Variants in KDM2A observed in about 807,000 individuals in gnomAD.
The protein encoded by KDM2A is lysine demethylase 2A, also known as lysine-specific demethylase 2A.
KDM2A carries 3 observed loss-of-function variants against 137.3 expected under a neutral mutation model. That is an observed-to-expected ratio of 0.02 (90% CI 0.01 to 0.06). The LOEUF (loss-of-function observed/expected upper bound fraction) is 0.06. KDM2A is among the 10% of genes least tolerant of loss of function. KDM2A has a pLI of 1.00. For missense variants in KDM2A, 738 were observed against 1,510.6 expected, an observed-to-expected ratio of 0.49 and a Z score of 8.48; for synonymous variants, 512 against 541.5, an observed-to-expected ratio of 0.95 and a Z score of 0.76.
At chr11:67,194,873 A>T (rs1252585518) in intron 5 of KDM2A, among the ~76,000 whole-genome samples, 2 of 152,314 alleles carry the variant, frequency 1.3e-5, no homozygotes, top group East Asian at 3.9e-4. Flanking sequence ...AGGAGCAGAA[A>T]TACTTGGATT....
chr11:67,197,857 A>G (rs562337188), intron 5 of KDM2A, among the ~76,000 whole-genome samples: 99 of 152,212 alleles, frequency 6.5e-4, no homozygotes, highest in Non-Finnish European at 1.2e-3. Context: ...TCAGAAATCT[A>G]CATATAAATT....
chr11:67,245,129 CTA>C lies in KDM2A; in HGVS notation c.1564-59_1564-58del, dbSNP rs1315085649. On this transcript the variant is annotated intron_variant, in intron 13 of 20. Coordinates refer to ENST00000529006, the MANE Select transcript of KDM2A (RefSeq NM_012308.3). This position sits in a 1 kb window ranked among gnomAD's most constrained non-coding sequence, Gnocchi z 4.1. ...GCTAGGTATGCTACCATGTAATCTTCTACCCTATCCAGTCTTAAAGCAACCTG... is the reference window on the plus strand; with the variant it reads ...GCTAGGTATGCTACCATGTAATCTTCCCCTATCCAGTCTTAAAGCAACCTG... The C allele has an allele frequency of 1.3e-6, 2 of 1,573,676 alleles. No homozygotes were observed. The highest frequency in any genetic ancestry group is 2.7e-5 in the African/African-American group (2 of 74,298).
At chr11:67,142,743 T>C (rs1856142516) in intron 2 of KDM2A, among the ~76,000 whole-genome samples, 1 of 151,850 alleles carries the variant, frequency 6.6e-6, no homozygotes, top group African/African-American at 2.4e-5. Context: ...AGGAGCTCAA[T>C]TATGTATTTG....
intron 2 of KDM2A, among the ~76,000 whole-genome samples, chr11:67,151,441 T>G (rs1856386142): frequency 6.6e-6 from 1 of 152,074 alleles, no homozygotes; most frequent in Admixed American, 6.5e-5. Context: ...AGTGCAATGG[T>G]GCCATCTCTG....
At chr11:67,134,630 G>C (rs1032670105) in intron 2 of KDM2A, among the ~76,000 whole-genome samples, 5 of 151,902 alleles carry the variant, frequency 3.3e-5, no homozygotes, top group African/African-American at 4.8e-5. Context: ...TCAGCCTCCT[G>C]AGTAGCTGGG....
At chr11:67,206,018 T>G (rs1182104273) in intron 5 of KDM2A, among the ~76,000 whole-genome samples, 1 of 152,202 alleles carries the variant, frequency 6.6e-6, no homozygotes, top group Non-Finnish European at 1.5e-5. Flanking sequence ...TATTAAACAT[T>G]TTACTTTATC....
chr11:67,221,145 A>G (rs1858333246), intron 10 of KDM2A, among the ~76,000 whole-genome samples: 1 of 152,162 alleles, frequency 6.6e-6, no homozygotes, highest in South Asian at 2.1e-4. Context: ...CTTATTTTTT[A>G]GCAGAATTCT....
chr11:67,187,952 T>G (rs572045132), intron 5 of KDM2A, among the ~76,000 whole-genome samples: 1 of 152,072 alleles, frequency 6.6e-6, no homozygotes, highest in Admixed American at 6.5e-5. Flanking sequence ...CCCAGCACTT[T>G]GGGAGGCTGA....
chr11:67,166,383 G>C (rs1856745654), intron 2 of KDM2A, among the ~76,000 whole-genome samples: 1 of 151,412 alleles, frequency 6.6e-6, no homozygotes, highest in African/African-American at 2.4e-5. Context: ...ACAGGATTTT[G>C]TCAGGTTGGC....
chr11:67,252,787 A>G lies in KDM2A; in HGVS notation c.2862A>G (p.Pro954=). The G allele has an allele frequency of 2.5e-6, 4 of 1,614,038 alleles. No homozygotes were observed. Among genetic ancestry groups the G allele is most frequent in the Non-Finnish European group, 3.4e-6 (4 of 1,179,884 alleles). ...QALSGIIKRQ[P]VSLDLSWTNI... ...TCAGTGGCATCATCAAGAGGCAGCC[A>G]GTCAGCCTTGACCTCAGTTGGACCA... Residue 954 remains proline (P), a synonymous_variant, in exon 18 of 21, where the codon CCA becomes CCG. Transcript: ENST00000529006.
At chr11:67,243,990 A>G (rs1178342725) in intron 13 of KDM2A, among the ~76,000 whole-genome samples, 1 of 152,228 alleles carries the variant, frequency 6.6e-6, no homozygotes, top group Non-Finnish European at 1.5e-5. Flanking sequence ...AATTTGGCAA[A>G]TAAATGAGGC....
chr11:67,123,460 A>C (rs1206166567), intron 2 of KDM2A, among the ~76,000 whole-genome samples: 1 of 152,022 alleles, frequency 6.6e-6, no homozygotes, highest in East Asian at 1.9e-4. Context: ...TATCTGTAGT[A>C]GAATATTGTA....
At position 67,219,322 on chromosome 11, in the gene KDM2A, A is replaced by G; in HGVS notation, c.876A>G (p.Thr292=). ...WIHAVYTPTD[T]LVFGGNFLHS... is the part of the protein sequence containing the mutation. ...ATGCTGTGTATACTCCTACAGACAC[A>G]TTAGTGTTTGGGGGCAATTTTTTGC... The change falls in exon 10 of 21, where the codon ACA becomes ACG. Residue 292 remains threonine, a synonymous_variant. Coordinates refer to ENST00000529006, the MANE Select transcript of KDM2A (RefSeq NM_012308.3). 1 of 1,611,000 alleles carries G rather than the reference A, an allele frequency of 6.2e-7. No individual in the cohort carries two copies. The highest frequency in any genetic ancestry group is 8.5e-7 in the Non-Finnish European group (1 of 1,178,426).
chr11:67,231,996 C>G (rs755177983), intron 12 of KDM2A, 36 bp downstream of exon 12: 4 of 1,540,948 alleles, frequency 2.6e-6, no homozygotes, highest in Admixed American at 4.0e-5. Context: ...AGCTACTGAT[C>G]CAGCTATGGC....
chr11:67,154,645 G>T (rs189141146), intron 2 of KDM2A, among the ~76,000 whole-genome samples: 256 of 151,968 alleles, frequency 1.7e-3, no homozygotes, highest in Middle Eastern at 0.014. Flanking sequence ...TGCCATGTTG[G>T]CCAGGCTAGT....
chr11:67,227,932 T>C (rs1811931840), intron 10 of KDM2A, 105 bp from the exon 11 acceptor site: 8 of 1,207,850 alleles, frequency 6.6e-6, no homozygotes, highest in South Asian at 2.8e-5. Context: ...GGTTTGCAGG[T>C]TGACTGGTGA....
At chr11:67,226,057 C>T (rs2136415927) in intron 10 of KDM2A, among the ~76,000 whole-genome samples, 1 of 151,208 alleles carries the variant, frequency 6.6e-6, no homozygotes, top group Non-Finnish European at 1.5e-5. Context: ...AAGAACAAAA[C>T]TGTGTCAAAA....
intron 2 of KDM2A, among the ~76,000 whole-genome samples, chr11:67,123,616 A>G (rs1855649386): frequency 6.6e-6 from 1 of 151,896 alleles, no homozygotes; most frequent in South Asian, 2.1e-4. Flanking sequence ...TTAGTTAGGT[A>G]TCTAAGGAAT....
Position 67,154,707 on chromosome 11 carries a change from G to C in KDM2A, c.43-25372G>C, listed in dbSNP as rs139607471. On this transcript the variant is annotated intron_variant, in intron 2 of 20. Transcript: ENST00000529006. ...ACCTGCCTTGGCCTCCCAAAGTGTT[G>C]GGATTACAGGCATGAACCACCATGC... is the stretch of plus-strand genomic sequence containing the variant. Among the ~76,000 whole-genome samples, 57 of 152,198 alleles carry C rather than the reference G, an allele frequency of 3.7e-4. No homozygotes were observed. In the East Asian group the frequency reaches 0.01, roughly 27 times the overall value.
Sources: allele counts gnomAD v4.1 joint callset (sites outside exome capture counted in the v4.1 genomes callset), GRCh38; gene constraint gnomAD v4.1.1; non-coding constraint Gnocchi (gnomAD v3.1); transcripts MANE v1.5; gene names NCBI Gene and HGNC (gene_info 2026-07-23, HGNC 2026-07-21).